NPC1: variants seen among roughly 807,000 people sequenced by gnomAD.
The protein encoded by NPC1 is NPC intracellular cholesterol transporter 1, also known as Niemann-Pick C1 protein.
A neutral mutation model predicts 140.4 loss-of-function variants in NPC1; 85 were observed. That is an observed-to-expected ratio of 0.61 (90% CI 0.51 to 0.72). The LOEUF (loss-of-function observed/expected upper bound fraction) is 0.72. Ranked by LOEUF, NPC1 falls within the 30% of genes least tolerant of loss-of-function variation. The pLI is 0.00. For synonymous variants in NPC1, 656 were observed against 624.8 expected, an observed-to-expected ratio of 1.05 and a Z score of -0.74; for missense variants, 1,504 against 1,623.8, an observed-to-expected ratio of 0.93 and a Z score of 1.27.
At chr18:23,526,833 G>A (rs552964618), downstream of NPC1, 67 of 1,566,890 alleles carry the variant, frequency 4.3e-5, no homozygotes, top group African/African-American at 6.5e-4. Context: ...ACTTTTTATC[G>A]GGATGTGGGC....
At chr18:23,573,307 C>A in intron 2 of NPC1, 145 bp downstream of exon 2, 1 of 1,130,298 alleles carries the variant, frequency 8.8e-7, no homozygotes, top group Non-Finnish European at 1.3e-6. Flanking sequence ...CTGTATGCCA[C>A]AGGTTAGAGT....
intron 22 of NPC1, 58 bp from the exon 23 acceptor site, chr18:23,534,617 C>A: frequency 7.2e-7 from 1 of 1,393,730 alleles, no homozygotes; most frequent in Admixed American, 1.9e-5. Context: ...CCTAGGCAGC[C>A]ACCCCGTTCT....
At chr18:23,572,813 C>T (rs768438973) in intron 2 of NPC1, among the ~76,000 whole-genome samples, 5 of 152,150 alleles carry the variant, frequency 3.3e-5, no homozygotes, top group Non-Finnish European at 5.9e-5. Context: ...AGCCTTCAGC[C>T]AGGATAAAAG....
At chr18:23,516,140 C>G in intron 3 of NPC1, 1 of 1,360,136 alleles carries the variant, frequency 7.4e-7, no homozygotes, top group Non-Finnish European at 1.0e-6. Context: ...CTCTGTATAC[C>G]CGTCAGCTCC....
In NPC1 at chr18:23,564,118, G is replaced by A. The variant is rs531038302; in HGVS notation, c.464-2591C>T. The stretch of plus-strand genomic sequence containing the variant: ...TCCTGCCTCAGCCTCCTGAGTAGCT[G>A]GGATTACAGGCGCACATCACCACAC... On this transcript the variant is annotated intron_variant, in intron 4 of 24. Coordinates refer to ENST00000269228, the MANE Select transcript of NPC1 (RefSeq NM_000271.5). Among the ~76,000 whole-genome samples the A allele has an allele frequency of 4.0e-5, 6 of 150,320 alleles. No homozygotes were observed. The East Asian group carries it at 8.0e-4, about 20-fold the overall frequency.
intron 8 of NPC1, among the ~76,000 whole-genome samples, chr18:23,556,008 A>AGGTCTACTATCTGAAGTAAAT (rs1225492949): frequency 6.6e-6 from 1 of 152,256 alleles, no homozygotes; most frequent in African/African-American, 2.4e-5. Context: ...GAAAAAGGCA[A>AGGTCTACTATCTGAAGTAAAT]GGTCTACTAT....
intron 19 of NPC1, chr18:23,539,001 T>C: frequency 4.4e-6 from 2 of 449,480 alleles, no homozygotes; most frequent in Non-Finnish European, 4.1e-6. Context: ...ACCTCGACGC[T>C]CCTACAAAAC....
chr18:23,549,833 C>T (rs2145424777), intron 10 of NPC1, among the ~76,000 whole-genome samples: 1 of 151,454 alleles, frequency 6.6e-6, no homozygotes, highest in East Asian at 2.0e-4. Flanking sequence ...ACTCCACCTC[C>T]AGGATTCAAG....
downstream of NPC1, chr18:23,528,161 C>T (rs2058363303): frequency 5.7e-6 from 2 of 349,780 alleles, no homozygotes; most frequent in Non-Finnish European, 1.0e-5. Flanking sequence ...TTTGATCTTG[C>T]CTGTAGATCC....
downstream of NPC1, chr18:23,528,057 G>A: frequency 1.7e-6 from 1 of 582,570 alleles, no homozygotes; most frequent in Non-Finnish European, 3.0e-6. Context: ...GTGGGGGATA[G>A]TGGAGGAGTA....
At chr18:23,546,422 C>T (rs2058791131) in intron 11 of NPC1, among the ~76,000 whole-genome samples, 1 of 152,200 alleles carries the variant, frequency 6.6e-6, no homozygotes, top group Admixed American at 6.5e-5. Context: ...CTGGTGGTGA[C>T]GTAAAGCGCT....
At chr18:23,519,898 C>G (rs1160271692), downstream of NPC1, among the ~76,000 whole-genome samples, 2 of 152,156 alleles carry the variant, frequency 1.3e-5, no homozygotes, top group East Asian at 1.9e-4. Context: ...GGTGGTGACG[C>G]TAACTCTGTG....
At chr18:23,537,070 CTTT>C (rs562891401) in intron 20 of NPC1, among the ~76,000 whole-genome samples, 194 bp from the exon 21 acceptor site, 6 of 147,144 alleles carry the variant, frequency 4.1e-5, no homozygotes, top group Non-Finnish European at 7.5e-5. Flanking sequence ...AGACTGGCTT[CTTT>C]TTTTTTTTAT....
chr18:23,519,087 G>C, downstream of NPC1: 1 of 1,614,152 alleles, frequency 6.2e-7, no homozygotes, highest in Non-Finnish European at 8.5e-7. Context: ...CCTGTAAAAA[G>C]ATGCACATAT....
rs58184697 is a variant in NPC1, at chr18:23,562,774, C to T, written c.464-1247G>A. ...GGCCCTGGTGGGTGGACTGCCAGAG[C>T]TCAGGAGGTCCAGACCAGCCTGGGC... On this transcript the variant is annotated intron_variant, in intron 4 of 24. Transcript: ENST00000269228. Among the ~76,000 whole-genome samples the T allele has an allele frequency of 6.9e-4, 105 of 151,984 alleles. 3 individuals are homozygous for T. The East Asian group carries it at 0.019, about 27-fold the overall frequency.
chr18:23,545,380 C>T (rs1280171712), intron 11 of NPC1, among the ~76,000 whole-genome samples: 1 of 152,156 alleles, frequency 6.6e-6, no homozygotes, highest in Non-Finnish European at 1.5e-5. Flanking sequence ...GTAGCTGGGA[C>T]TCCAGGCGTG....
At chr18:23,569,150 C>G (rs2059167350) in intron 3 of NPC1, 152 bp from the exon 4 acceptor site, 3 of 641,426 alleles carry the variant, frequency 4.7e-6, no homozygotes, top group Non-Finnish European at 8.1e-6. Context: ...AAACTTAAAA[C>G]TTCATGTTAA....
rs544387226 is a variant in NPC1, at chr18:23,551,149, CTCT to C, written c.1654+475_1654+477del. 4.1e-3 allele frequency among the ~76,000 whole-genome samples: 632 copies of C among 152,306 alleles called. 1 individual carries two copies. The highest frequency in any genetic ancestry group is 6.2e-3 in the Non-Finnish European group (423 of 68,022). On this transcript the variant is annotated intron_variant, in intron 10 of 24. Transcript: ENST00000269228. ...GAACCAGGAAAGAGCAAACCAGCTGCTCTTCACACTGTAAGAGTGTCCAAATAC... is the reference window on the plus strand; with the variant it reads ...GAACCAGGAAAGAGCAAACCAGCTGCTCACACTGTAAGAGTGTCCAAATAC...
At chr18:23,565,642 C>T (rs1259371654) in intron 4 of NPC1, among the ~76,000 whole-genome samples, 1 of 151,706 alleles carries the variant, frequency 6.6e-6, no homozygotes, top group African/African-American at 2.4e-5. Context: ...GTGTGAGCCA[C>T]TGCACCCGGC....
Sources: gnomAD v4.1 joint callset for allele counts (sites outside exome capture counted in the v4.1 genomes callset) on GRCh38, gnomAD v4.1.1 for gene constraint, MANE v1.5 for transcripts, NCBI Gene and HGNC (gene_info 2026-07-23, HGNC 2026-07-21) for gene names.